MYH7B: variants seen among roughly 807,000 people sequenced by gnomAD.
The protein encoded by MYH7B is myosin-7B.
MYH7B carries 205 observed loss-of-function variants against 234.5 expected under a neutral mutation model. The ratio of observed to expected loss-of-function variants is 0.87; its 90% CI spans 0.78 to 0.98. The LOEUF is 0.98. Among genes scored for constraint, MYH7B ranks in the 50% least tolerant of loss-of-function variants. MYH7B has a pLI of 0.00. For synonymous variants in MYH7B, 1,193 were observed against 1,105.0 expected (o/e 1.08, Z -1.58); for missense variants, 2,652 against 2,633.4 (o/e 1.01, Z -0.15).
exon 44 of MYH7B, chr20:35,002,008 G>T: frequency 6.2e-7 from 1 of 1,614,078 alleles, no homozygotes; most frequent in Non-Finnish European, 8.5e-7. Context: ...GCTGGATGAT[G>T]CGGAGGAGCG....
chr20:34,964,787 A>C (rs1232931113), intron 2 of MYH7B, among the ~76,000 whole-genome samples: 5 of 152,110 alleles, frequency 3.3e-5, no homozygotes, highest in Non-Finnish European at 7.4e-5. Flanking sequence ...AAAACAAGGG[A>C]ATTGCCTAAG....
At chr20:34,990,670 C>T (rs1184363177) in intron 22 of MYH7B, 68 bp from the exon 23 acceptor site, 1 of 1,470,122 alleles carries the variant, frequency 6.8e-7, no homozygotes, top group Non-Finnish European at 9.5e-7. Flanking sequence ...TCGGTCCTGA[C>T]CACTGCGGCA....
At position 35,001,122 on chromosome 20, in the gene MYH7B, T is replaced by C; in HGVS notation, c.5439T>C (p.Arg1813=). The change falls in exon 41 of 45, where the codon CGT becomes CGC. Residue 1813 remains arginine (R), a synonymous_variant. Transcript: ENST00000262873. ...AGGAGGCAGAACAGGCCGCCCTCCG[T>C]GGCGGGAAGAAGCAGGTGCAGAAGC... 6 of 1,613,760 alleles carry C rather than the reference T, an allele frequency of 3.7e-6. No individual in the cohort carries two copies. The highest frequency in any genetic ancestry group is 5.1e-6 in the Non-Finnish European group (6 of 1,179,934).
Position 35,001,540 on chromosome 20 carries a change from G to T in MYH7B, c.5676+14G>T. The T allele has an allele frequency of 6.3e-7, 1 of 1,591,384 alleles. No individual in the cohort carries two copies. The highest frequency in any genetic ancestry group is 8.6e-7 in the Non-Finnish European group (1 of 1,169,102). ...TTTGAGGAGGCGGTGAGTGCGCTGG[G>T]GCCTGGACACCTGGACCGGGCACCC... On this transcript the variant is annotated intron_variant, in intron 43 of 44. Transcript: ENST00000262873.
At chr20:34,990,390 G>A (rs1268975334) in intron 22 of MYH7B, 80 bp downstream of exon 22, 1 of 1,506,668 alleles carries the variant, frequency 6.6e-7, no homozygotes, top group African/African-American at 1.4e-5. Context: ...TGTCCCCTGT[G>A]CCTTGGGCGG....
At chr20:34,962,231 A>G (rs1263003219) in intron 2 of MYH7B, among the ~76,000 whole-genome samples, 5 of 152,148 alleles carry the variant, frequency 3.3e-5, no homozygotes, top group Non-Finnish European at 7.4e-5. Flanking sequence ...TGTCTCAAAA[A>G]TAATTATAAT....
At chr20:34,991,187 A>C (rs1005656801) in intron 24 of MYH7B, 66 bp downstream of exon 24, 2 of 1,142,600 alleles carry the variant, frequency 1.8e-6, no homozygotes, top group Non-Finnish European at 2.5e-6. Context: ...CAGGACACAC[A>C]TATCAGAGCC....
At chr20:34,957,975 G>A (rs2081657833) in intron 1 of MYH7B, among the ~76,000 whole-genome samples, 123 bp from the exon 2 acceptor site, 1 of 152,222 alleles carries the variant, frequency 6.6e-6, no homozygotes, top group Non-Finnish European at 1.5e-5. Context: ...ATAAGCAGCT[G>A]TTAACTAGAA....
chr20:34,995,490 A>C, exon 28 of MYH7B: 7 of 1,614,168 alleles, frequency 4.3e-6, no homozygotes, highest in Non-Finnish European at 5.9e-6. Context: ...AAGCTGGAGG[A>C]CGAGTGCACG....
chr20:35,002,225 C>CTGTT (rs2082406217), exon 45 of MYH7B: 1 of 1,504,402 alleles, frequency 6.6e-7, no homozygotes, highest in Non-Finnish European at 8.8e-7. Context: ...GGAATGTCTG[C>CTGTT]TGTTGCACAT....
intron 7 of MYH7B, chr20:34,980,083 C>A: frequency 2.0e-6 from 1 of 496,930 alleles, no homozygotes. Flanking sequence ...ACTATGGAGG[C>A]CGTGCGTGTG....
intron 32 of MYH7B, 106 bp from the exon 33 acceptor site, chr20:34,998,189 G>C: frequency 7.4e-7 from 1 of 1,343,078 alleles, no homozygotes; most frequent in Non-Finnish European, 1.0e-6. Flanking sequence ...TGATTCCTGG[G>C]CCCACATCTA....
In MYH7B at chr20:34,988,187, C is replaced by A. The variant is rs774079276; in HGVS notation, c.1512C>A (p.Tyr504Ter). Residue 504 changes from tyrosine to a stop codon, truncating the protein, a stop_gained, in exon 19 of 45, where the codon TAC becomes TAA. Coordinates refer to ENST00000262873, the Ensembl canonical transcript of MYH7B. LOFTEE classifies it high-confidence loss of function. ...TGTTTGTGCTGGAGCAGGAGGAGTA[C>A]AAGCGGGAGGGCATCGACTGGGTCT... is the stretch of plus-strand genomic sequence containing the variant. 5 of 1,614,046 alleles carry A rather than the reference C, an allele frequency of 3.1e-6. No individual in the cohort carries two copies. Among genetic ancestry groups the A allele is most frequent in the Non-Finnish European group, 4.2e-6 (5 of 1,180,040 alleles).
intron 2 of MYH7B, among the ~76,000 whole-genome samples, chr20:34,968,971 G>A (rs1288430290): frequency 6.6e-6 from 1 of 152,234 alleles, no homozygotes; most frequent in Admixed American, 6.5e-5. Context: ...TAGGCTCTAA[G>A]AATAGCTTGG....
At chr20:34,981,237 T>G (rs2081937033) in intron 9 of MYH7B, 177 bp downstream of exon 9, 1 of 705,812 alleles carries the variant, frequency 1.4e-6, no homozygotes, top group Admixed American at 2.9e-5. Context: ...CTGCCCCCAT[T>G]CTGAACAGAT....
chr20:34,999,973 G>A, intron 38 of MYH7B, 67 bp downstream of exon 38: 1 of 1,413,192 alleles, frequency 7.1e-7, no homozygotes, highest in Non-Finnish European at 9.8e-7. Context: ...TGTGTACTCT[G>A]CTCTCTAGTC....
In MYH7B at chr20:35,001,114, G is replaced by A. The variant is rs1005265141; in HGVS notation, c.5431G>A (p.Ala1811Thr). 52 of 1,613,720 alleles carry A rather than the reference G, an allele frequency of 3.2e-5. No homozygotes were observed. Among genetic ancestry groups the A allele is most frequent in the Non-Finnish European group, 3.7e-5 (44 of 1,179,976 alleles). The stretch of plus-strand genomic sequence containing the variant: ...CCGCCTTGAGGAGGCAGAACAGGCC[G>A]CCCTCCGTGGCGGGAAGAAGCAGGT... Residue 1811 changes from alanine (A) to threonine (T), a missense_variant, in exon 41 of 45, where the codon GCC becomes ACC. Physicochemically the swap from Ala to Thr is moderately conservative, Grantham distance 58 (BLOSUM62 0). Around this residue, in one of 3 missense-constraint regions of MYH7B, gnomAD observed 2,279 missense variants for 2,211.4 expected, o/e 1.03. Coordinates refer to ENST00000262873, the Ensembl canonical transcript of MYH7B.
chr20:34,980,221 C>G (rs2147174154), intron 7 of MYH7B: 1 of 322,954 alleles, frequency 3.1e-6, no homozygotes, highest in East Asian at 6.2e-5. Context: ...GGCCTGGGGC[C>G]TGGGGATGGG....
exon 10 of MYH7B, chr20:34,982,511 T>C: frequency 2.5e-6 from 4 of 1,612,440 alleles, no homozygotes; most frequent in Non-Finnish European, 3.4e-6. Context: ...CATTCAGTAC[T>C]TTGCCATCGT....
Sources: gnomAD v4.1 joint callset for allele counts (sites outside exome capture counted in the v4.1 genomes callset) on GRCh38, gnomAD v4.1.1 for gene constraint, gnomAD v4.1.1 regional missense constraint, MANE v1.5 for transcripts, NCBI Gene and HGNC (gene_info 2026-07-23, HGNC 2026-07-21) for gene names.